Variants in ZNF780B observed in about 807,000 individuals in gnomAD.
ZNF780B encodes zinc finger protein 779.
A neutral mutation model predicts 74.1 loss-of-function variants in ZNF780B; 52 were observed. The ratio of observed to expected loss-of-function variants is 0.70; its 90% CI spans 0.56 to 0.88. The LOEUF is 0.88. Ranked by LOEUF, ZNF780B falls within the 40% of genes least tolerant of loss-of-function variation. The pLI, the probability that ZNF780B is intolerant of heterozygous loss-of-function variation, is 0.00. For missense variants in ZNF780B, 953 were observed against 1,007.6 expected (o/e 0.95, Z 0.73); for synonymous variants, 315 against 324.3 (o/e 0.97, Z 0.31).
intron 4 of ZNF780B, among the ~76,000 whole-genome samples, chr19:40,045,206 T>C (rs980326903): frequency 1.6e-4 from 24 of 152,098 alleles, no homozygotes; most frequent in Admixed American, 1.4e-3. Flanking sequence ...AGGCAAATAT[T>C]ATTAGAGCAA....
chr19:40,037,103 C>T (rs147178775), intron 4 of ZNF780B, among the ~76,000 whole-genome samples: 2,024 of 151,896 alleles, frequency 0.013, 33 homozygotes, highest in South Asian at 0.052. Context: ...TTAGTAGAGA[C>T]GAGGTTTCAC....
intron 4 of ZNF780B, among the ~76,000 whole-genome samples, chr19:40,038,632 T>C (rs1253968266): frequency 6.6e-6 from 1 of 151,462 alleles, no homozygotes; most frequent in African/African-American, 2.4e-5. Context: ...TGGTATCTCA[T>C]TGTGGTTTTG....
rs769601663 is a variant in ZNF780B, at chr19:40,034,735, A to G, written c.2124T>C (p.Tyr708=). ...VCKECRKTFR[Y]HYQLTEHYRI... is the part of the protein sequence containing the mutation. ...GGTAATGTTCAGTAAGCTGGTAATGATATCTAAAGGTCTTCCTACACTCCT... is the reference window on the plus strand; with the variant it reads ...GGTAATGTTCAGTAAGCTGGTAATGGTATCTAAAGGTCTTCCTACACTCCT... The change falls in exon 5 of 5, where the codon TAT becomes TAC. Residue 708 remains tyrosine (Y), a synonymous_variant. Coordinates refer to ENST00000434248, the MANE Select transcript of ZNF780B (RefSeq NM_001005851.3). The G allele has an allele frequency of 1.2e-6, 2 of 1,613,920 alleles. No individual in the cohort carries two copies. Among genetic ancestry groups the G allele is most frequent in the Admixed American group, 3.3e-5 (2 of 59,996 alleles).
rs753151101 is a variant in ZNF780B at position 40,034,680 on chromosome 19, A to G, written c.2179T>C (p.Cys727Arg). The change falls in exon 5 of 5, where the codon TGT becomes CGT. Residue 727 changes from cysteine (C) to arginine (R), a missense_variant. Transcript: ENST00000434248. ...CCAAAGGCCTTTCCGCATTCTTTAC[A>G]TTCAAAGGGTTTCTCACCAGTATGA... is the stretch of plus-strand genomic sequence containing the variant. Reference protein sequence around the residue: ...RIHTGEKPFECKECGKAFGLL... With the variant: ...RIHTGEKPFERKECGKAFGLL... 1.2e-6 allele frequency: 2 copies of G among 1,614,098 alleles called. No homozygotes were observed. Among genetic ancestry groups the G allele is most frequent in the South Asian group, 2.2e-5 (2 of 91,074 alleles).
At chr19:40,039,593 A>G (rs1050694985) in intron 4 of ZNF780B, among the ~76,000 whole-genome samples, 3 of 151,784 alleles carry the variant, frequency 2.0e-5, no homozygotes, top group Non-Finnish European at 4.4e-5. Context: ...TTCCTTGAGC[A>G]GTGGTTTGTA....
chr19:40,047,222 C>A, intron 4 of ZNF780B, 153 bp downstream of exon 4: 1 of 673,376 alleles, frequency 1.5e-6, no homozygotes. Flanking sequence ...ATCTTATTTC[C>A]TTCCCAGGTC....
rs753956605 is a variant in ZNF780B, at chr19:40,035,363, T to C, written c.1496A>G (p.Lys499Arg). Residue 499 changes from lysine to arginine, a missense_variant, in exon 5 of 5, where the codon AAA becomes AGA. Coordinates refer to ENST00000434248, the MANE Select transcript of ZNF780B (RefSeq NM_001005851.3). ...CCCACAGTCTTTACATTCAAATGGT[T>C]TCTCACCAGTATGAATGTTCTTATG... ...ARHKNIHTGE[K>R]PFECKDCGKA... The C allele has an allele frequency of 2.5e-6, 4 of 1,614,156 alleles. No individual in the cohort carries two copies. The highest frequency in any genetic ancestry group is 3.4e-6 in the Non-Finnish European group (4 of 1,180,010).
In ZNF780B at chr19:40,036,059, T is replaced by C. The variant is rs1192272888; in HGVS notation, c.800A>G (p.His267Arg). 1 of 1,613,754 alleles carries C rather than the reference T, an allele frequency of 6.2e-7. No individual in the cohort carries two copies. Among genetic ancestry groups the C allele is most frequent in the Admixed American group, 1.7e-5 (1 of 59,986 alleles). The stretch of plus-strand genomic sequence containing the variant: ...TTTTACACCAGCATGAATACTTTGA[T>C]GCTGAGTAAGGTTTGAGCTACGATT... Reference protein sequence around the residue: ...SFNRSSNLTQHQSIHAGVKPY... With the variant: ...SFNRSSNLTQRQSIHAGVKPY... Residue 267 changes from histidine (H) to arginine (R), a missense_variant, in exon 5 of 5, where the codon CAT (histidine) becomes CGT (arginine). His to Arg is a conservative substitution (Grantham distance 29, BLOSUM62 0). Coordinates refer to ENST00000434248, the MANE Select transcript of ZNF780B (RefSeq NM_001005851.3).
chr19:40,049,755 G>A (rs1476260396), intron 2 of ZNF780B, among the ~76,000 whole-genome samples: 1 of 152,154 alleles, frequency 6.6e-6, no homozygotes, highest in East Asian at 1.9e-4. Flanking sequence ...CATTCTTTCT[G>A]ACCAAGGACT....
At chr19:40,046,279 C>T (rs1280420325) in intron 4 of ZNF780B, among the ~76,000 whole-genome samples, 1 of 152,104 alleles carries the variant, frequency 6.6e-6, no homozygotes, top group East Asian at 1.9e-4. Flanking sequence ...AATGATAAAC[C>T]CTCCTCTGGT....
Position 40,034,953 on chromosome 19 carries a change from T to C in ZNF780B, c.1906A>G (p.Thr636Ala), listed in dbSNP as rs1280267885. ...TTACATTTAAATGGCTTCTCACCTG[T>C]GTGAATGTTCTTATGGTGATTAAGC... ...TQLNHHKNIH[T>A]GEKPFKCKEC... The change falls in exon 5 of 5, where the codon ACA becomes GCA. Residue 636 changes from threonine (T) to alanine (A), a missense_variant. Coordinates refer to ENST00000434248, the MANE Select transcript of ZNF780B (RefSeq NM_001005851.3). 2 of 1,614,152 alleles carry C rather than the reference T, an allele frequency of 1.2e-6. No homozygotes were observed.
rs913208354 is a variant in ZNF780B, at chr19:40,030,452, A to C, written c.*3905T>G. ...ACACCTCCCATTAGGCCCCACCTCC[A>C]ACATTGGGATCAAACTTCAATATGA... is the stretch of plus-strand genomic sequence containing the variant. On this transcript the variant is annotated 3_prime_UTR_variant, in exon 5 of 5. Coordinates refer to ENST00000434248, the MANE Select transcript of ZNF780B (RefSeq NM_001005851.3). 4 of 152,210 alleles carry C rather than the reference A, an allele frequency of 2.6e-5. No individual in the cohort carries two copies. The highest frequency in any genetic ancestry group is 5.9e-5 in the Non-Finnish European group (4 of 68,042). The allele number at this position is 152,210 out of a possible 1,614,324, so 9.4% of individuals were successfully genotyped here. A position where few individuals can be genotyped will look rare whatever the true frequency, so the allele number is the denominator to read the frequency against.
At position 40,036,263 on chromosome 19, in the gene ZNF780B, C is replaced by G. The variant is rs1279665422; in HGVS notation, c.596G>C (p.Gly199Ala). The G allele has an allele frequency of 6.2e-7, 1 of 1,612,422 alleles. No homozygotes were observed. Among genetic ancestry groups the G allele is most frequent in the Admixed American group, 1.7e-5 (1 of 59,696 alleles). The change falls in exon 5 of 5, where the codon GGG (glycine) becomes GCG (alanine). Residue 199 changes from glycine to alanine, a missense_variant. Gly to Ala is a moderately conservative substitution (Grantham distance 60). Coordinates refer to ENST00000434248, the MANE Select transcript of ZNF780B (RefSeq NM_001005851.3). ...TTGTATGTGAAGTTGAAAGGCTTTC[C>G]CACATTCTTTGCATTTATAGGGTTT... ...GEKPYKCKECGKAFQLHIQLT... is the reference protein window; with the variant it reads ...GEKPYKCKECAKAFQLHIQLT...
In ZNF780B at chr19:40,034,405, T is replaced by C; in HGVS notation, c.2454A>G (p.Ser818=). ...PLNVRNVGQP[S]DISSNLLNIR... ...TGTTCAGTAAGTTGCTACTGATGTC[T>C]GAAGGCTGTCCCACATTTCTTACAT... The change falls in exon 5 of 5, where the codon TCA becomes TCG. Residue 818 remains serine (S), a synonymous_variant. Coordinates refer to ENST00000434248, the MANE Select transcript of ZNF780B (RefSeq NM_001005851.3). The C allele has an allele frequency of 6.2e-7, 1 of 1,613,664 alleles. No homozygotes were observed. The highest frequency in any genetic ancestry group is 8.5e-7 in the Non-Finnish European group (1 of 1,179,756).
Position 40,034,346 on chromosome 19 carries a change from T to C in ZNF780B, c.*11A>G, listed in dbSNP as rs1443597232. 6.3e-7 allele frequency: 1 copy of C among 1,594,966 alleles called. No individual in the cohort carries two copies. On this transcript the variant is annotated 3_prime_UTR_variant, in exon 5 of 5. Transcript: ENST00000434248. Reference sequence around the variant, plus strand: ...GAAAGGCCTTCCCACATTCCTTACATTCAAAGGTTTTCACCCAAGTATGAA... The same window carrying C: ...GAAAGGCCTTCCCACATTCCTTACACTCAAAGGTTTTCACCCAAGTATGAA...
chr19:40,042,851 C>T (rs1972716838), intron 4 of ZNF780B, among the ~76,000 whole-genome samples: 1 of 152,106 alleles, frequency 6.6e-6, no homozygotes, highest in Admixed American at 6.6e-5. Flanking sequence ...GTTTGAATTT[C>T]CTCCTGTAGC....
At chr19:40,043,413 G>C (rs1972761670) in intron 4 of ZNF780B, among the ~76,000 whole-genome samples, 3 of 152,228 alleles carry the variant, frequency 2.0e-5, no homozygotes, top group African/African-American at 7.2e-5. Flanking sequence ...ATCTCCAGCT[G>C]CGTGCTGGGA....
intron 4 of ZNF780B, among the ~76,000 whole-genome samples, chr19:40,045,131 A>G (rs1972873579): frequency 1.3e-5 from 2 of 152,254 alleles, no homozygotes; most frequent in African/African-American, 4.8e-5. Context: ...TAAAGGGATC[A>G]ATTCAGCAAG....
chr19:40,045,256 G>A (rs932974236), intron 4 of ZNF780B, among the ~76,000 whole-genome samples: 2 of 152,212 alleles, frequency 1.3e-5, no homozygotes, highest in South Asian at 2.1e-4. Context: ...CACTGGGGAC[G>A]TCACTGTGCC....
Sources: gnomAD v4.1 joint callset for allele counts (sites outside exome capture counted in the v4.1 genomes callset) on GRCh38, gnomAD v4.1.1 for gene constraint, MANE v1.5 for transcripts, NCBI Gene and HGNC (gene_info 2026-07-23, HGNC 2026-07-21) for gene names.